The following YPEL2 variants were observed in gnomAD, a reference collection of about 807,000 sequenced individuals.
YPEL2 encodes protein yippee-like 2.
A neutral mutation model predicts 19.1 loss-of-function variants in YPEL2; 2 were observed. That is an observed-to-expected ratio of 0.10 (90% CI 0.04 to 0.33). The LOEUF (loss-of-function observed/expected upper bound fraction) is 0.33, where lower values mean the gene tolerates loss of function less well. Among genes scored for constraint, YPEL2 ranks in the 10% least tolerant of loss-of-function variants. YPEL2 has a pLI of 1.00. For synonymous variants in YPEL2, 52 were observed against 50.0 expected, an observed-to-expected ratio of 1.04 and a Z score of -0.17; for missense variants, 66 against 140.7, an observed-to-expected ratio of 0.47 and a Z score of 2.68.
intron 2 of YPEL2, among the ~76,000 whole-genome samples, chr17:59,357,273 A>G (rs555983349): frequency 6.6e-6 from 1 of 152,326 alleles, no homozygotes; most frequent in East Asian, 1.9e-4. Context: ...AACTAGTTTT[A>G]GTTTGGCTAA....
chr17:59,351,723 A>C (rs1330264443), intron 1 of YPEL2, among the ~76,000 whole-genome samples: 2 of 152,224 alleles, frequency 1.3e-5, no homozygotes, highest in Non-Finnish European at 2.9e-5. Context: ...GAGACTGAGC[A>C]GGGGCGACAT....
At chr17:59,334,579 C>A (rs1381671487) in intron 1 of YPEL2, among the ~76,000 whole-genome samples, 5 of 140,210 alleles carry the variant, frequency 3.6e-5, no homozygotes, top group Non-Finnish European at 6.5e-5. Flanking sequence ...CAAACACACA[C>A]ACACACACAC....
Position 59,353,776 on chromosome 17 carries a change from CCAGAGAAGGG to C in YPEL2, c.117+251_117+260del. The C allele has an allele frequency of 2.2e-6, 1 of 461,264 alleles. No homozygotes were observed. Among genetic ancestry groups the C allele is most frequent in the Non-Finnish European group, 4.1e-6 (1 of 244,388 alleles). 28.6% of individuals were successfully genotyped at this position (461,264 alleles called of 1,614,324 possible). On this transcript the variant is annotated intron_variant, in intron 2 of 4. Coordinates refer to ENST00000312655, the MANE Select transcript of YPEL2 (RefSeq NM_001005404.4). This position sits in a 1 kb window ranked among gnomAD's most constrained non-coding sequence, Gnocchi z 4.8. Reference sequence around the variant, plus strand: ...GCTTTGGGAGCTGGCAGCTTGCAAGCCAGAGAAGGGAGGGGCTGGGGATTGATGGGAGCCT... The same window carrying C: ...GCTTTGGGAGCTGGCAGCTTGCAAGCAGGGGCTGGGGATTGATGGGAGCCT...
At chr17:59,394,164 CG>C (rs2048024349) in intron 4 of YPEL2, among the ~76,000 whole-genome samples, 1 of 151,616 alleles carries the variant, frequency 6.6e-6, no homozygotes, top group South Asian at 2.1e-4. Flanking sequence ...ACCTCCCTCC[CG>C]GACGGGGCGG....
intron 4 of YPEL2, among the ~76,000 whole-genome samples, chr17:59,393,494 A>T (rs2048019048): frequency 6.9e-6 from 1 of 145,242 alleles, no homozygotes; most frequent in Admixed American, 6.8e-5. Context: ...ATTTTATTTT[A>T]TTTTTTATTT....
intron 1 of YPEL2, among the ~76,000 whole-genome samples, chr17:59,349,301 G>A (rs1043254342): frequency 1.3e-5 from 2 of 150,420 alleles, no homozygotes; most frequent in Non-Finnish European, 3.0e-5. Context: ...CCATCTCTCA[G>A]CTTGTTCCTC....
intron 2 of YPEL2, among the ~76,000 whole-genome samples, chr17:59,365,689 A>G (rs1212780547): frequency 6.6e-6 from 1 of 152,172 alleles, no homozygotes; most frequent in African/African-American, 2.4e-5. Flanking sequence ...TGCTGAGAGG[A>G]GGGTTTGACC....
chr17:59,345,652 T>C (rs1567733067), intron 1 of YPEL2, among the ~76,000 whole-genome samples: 2 of 152,188 alleles, frequency 1.3e-5, no homozygotes, highest in African/African-American at 2.4e-5. Flanking sequence ...TTAAGTCGAT[T>C]AGTTTAGGCC....
At chr17:59,332,009 C>A (rs1185365360) in intron 1 of YPEL2, among the ~76,000 whole-genome samples, 185 bp downstream of exon 1, 1 of 151,534 alleles carries the variant, frequency 6.6e-6, no homozygotes, top group Non-Finnish European at 1.5e-5. Context: ...GAGCGGCCGC[C>A]GGGCCACGTG....
At chr17:59,341,146 G>A (rs1461655576) in intron 1 of YPEL2, among the ~76,000 whole-genome samples, 6 of 146,368 alleles carry the variant, frequency 4.1e-5, no homozygotes, top group African/African-American at 1.0e-4. Context: ...CCAACATGGC[G>A]AAACCCCTGT....
intron 2 of YPEL2, among the ~76,000 whole-genome samples, chr17:59,383,659 T>A (rs2047965818): frequency 9.0e-6 from 1 of 111,354 alleles, no homozygotes; most frequent in Non-Finnish European, 1.8e-5. Context: ...TATGGTCTAA[T>A]AGTGATTATA....
intron 3 of YPEL2, 46 bp from the exon 4 acceptor site, chr17:59,389,314 T>C: frequency 6.5e-7 from 1 of 1,529,518 alleles, no homozygotes; most frequent in Non-Finnish European, 9.0e-7. Context: ...ATGCCTGATG[T>C]GCGTGTCACT....
chr17:59,352,152 A>T (rs1025026743), intron 1 of YPEL2, among the ~76,000 whole-genome samples: 1 of 152,158 alleles, frequency 6.6e-6, no homozygotes, highest in African/African-American at 2.4e-5. Flanking sequence ...AATAATTTTT[A>T]ATTTTATCTT....
At chr17:59,369,885 T>C (rs1266211576) in intron 2 of YPEL2, among the ~76,000 whole-genome samples, 1 of 152,214 alleles carries the variant, frequency 6.6e-6, no homozygotes, top group East Asian at 1.9e-4. Context: ...GGGTGTCTAC[T>C]AAGGGGCAGG....
At chr17:59,358,047 A>T (rs1176684231) in intron 2 of YPEL2, among the ~76,000 whole-genome samples, 3 of 152,166 alleles carry the variant, frequency 2.0e-5, no homozygotes, top group Non-Finnish European at 4.4e-5. Flanking sequence ...TTCTAGAATT[A>T]TGGGTCATCT....
chr17:59,394,203 C>T (rs1278270605), intron 4 of YPEL2, among the ~76,000 whole-genome samples: 1 of 151,986 alleles, frequency 6.6e-6, no homozygotes, highest in Non-Finnish European at 1.5e-5. Context: ...TGACCCCCAC[C>T]TCCCTCCCAG....
At chr17:59,339,642 C>T (rs775267707) in intron 1 of YPEL2, among the ~76,000 whole-genome samples, 38 of 152,178 alleles carry the variant, frequency 2.5e-4, no homozygotes, top group Admixed American at 2.2e-3. Context: ...ACTGAGAATA[C>T]ACTTCCTCAG....
chr17:59,368,831 T>C lies in YPEL2; in HGVS notation c.117+15305T>C, dbSNP rs532525648. Among the ~76,000 whole-genome samples, 8 of 152,284 alleles carry C rather than the reference T, an allele frequency of 5.3e-5. No homozygotes were observed. In the South Asian group the frequency reaches 1.2e-3, roughly 24 times the overall value. ...ATAAAACATAGCCTATTTTGGAAAA[T>C]CAACTTCTTTAGCTTCTGTAAACCA... On this transcript the variant is annotated intron_variant, in intron 2 of 4. Coordinates refer to ENST00000312655, the MANE Select transcript of YPEL2 (RefSeq NM_001005404.4).
At chr17:59,383,748 A>G (rs1262680123) in intron 2 of YPEL2, among the ~76,000 whole-genome samples, 1 of 148,442 alleles carries the variant, frequency 6.7e-6, no homozygotes, top group Non-Finnish European at 1.5e-5. Context: ...ATCTCTTACT[A>G]ACTCTTATAG....
Sources: allele counts gnomAD v4.1 joint callset (sites outside exome capture counted in the v4.1 genomes callset), GRCh38; gene constraint gnomAD v4.1.1; non-coding constraint Gnocchi (gnomAD v3.1); transcripts MANE v1.5; gene names NCBI Gene and HGNC (gene_info 2026-07-23, HGNC 2026-07-21).